The following TACR1 variants were observed in gnomAD, a reference collection of about 807,000 sequenced individuals.
TACR1 encodes the protein tachykinin receptor 1.
A neutral mutation model predicts 35.8 loss-of-function variants in TACR1; 25 were observed. That is an observed-to-expected ratio of 0.70 (90% confidence interval 0.51 to 0.98). The LOEUF (loss-of-function observed/expected upper bound fraction) is 0.98. TACR1 is among the 50% of genes least tolerant of loss of function. TACR1 has a pLI of 0.00. For synonymous variants in TACR1, 195 were observed against 206.7 expected (o/e 0.94, Z 0.48); for missense variants, 478 against 522.9 (o/e 0.91, Z 0.84).
At chr2:75,149,752 C>T (rs1229718507) in intron 1 of TACR1, among the ~76,000 whole-genome samples, 2 of 152,004 alleles carry the variant, frequency 1.3e-5, no homozygotes, top group African/African-American at 4.8e-5. Context: ...GCCTGATTGC[C>T]CTGGCCAGAA....
rs201666251 is a variant in TACR1 at position 75,198,965 on chromosome 2, T to C, written c.-31A>G. The C allele has an allele frequency of 1.2e-6, 2 of 1,602,454 alleles. No individual in the cohort carries two copies. Among genetic ancestry groups the C allele is most frequent in the Non-Finnish European group, 1.7e-6 (2 of 1,174,026 alleles). On this transcript the variant is annotated 5_prime_UTR_variant, in exon 1 of 5. Coordinates refer to ENST00000305249, the MANE Select transcript of TACR1 (RefSeq NM_001058.4). ...AGCTAGGCGGTAAAGCCCTACTATC[T>C]GTACACAACCCCCCTCTGCAGCAGA... is the stretch of plus-strand genomic sequence containing the variant.
intron 1 of TACR1, among the ~76,000 whole-genome samples, chr2:75,140,596 G>A (rs1411550968): frequency 6.6e-6 from 1 of 152,108 alleles, no homozygotes; most frequent in Non-Finnish European, 1.5e-5. Flanking sequence ...AACTCAGGGT[G>A]GCCCCTTAAG....
intron 4 of TACR1, chr2:75,050,959 T>G: frequency 4.7e-6 from 2 of 423,466 alleles, no homozygotes; most frequent in Admixed American, 7.3e-5. Flanking sequence ...ACCACAGAAG[T>G]TTTTAATTCC....
rs752408117 is a variant in TACR1 at position 75,051,310 on chromosome 2, C to G, written c.873G>C (p.Met291Ile). The G allele has an allele frequency of 1.2e-5, 20 of 1,614,188 alleles. No homozygotes were observed. The highest frequency in any genetic ancestry group is 1.5e-5 in the Non-Finnish European group (18 of 1,180,026). ...ACATGGTGGAGCTCATGGCCAGCCA[C>G]ATGATGGCCAGGTAGACCTGCTGGA... ...KFIQQVYLAI[M>I]WLAMSSTMYN... is the part of the protein sequence containing the mutation. The change falls in exon 4 of 5, where the codon ATG (methionine) becomes ATC (isoleucine). Residue 291 changes from methionine to isoleucine, a missense_variant. Met to Ile is a conservative substitution (Grantham distance 10). Coordinates refer to ENST00000305249, the MANE Select transcript of TACR1 (RefSeq NM_001058.4).
At chr2:75,103,759 A>G (rs1363275362) in intron 2 of TACR1, among the ~76,000 whole-genome samples, 2 of 152,086 alleles carry the variant, frequency 1.3e-5, no homozygotes, top group Non-Finnish European at 2.9e-5. Flanking sequence ...GAAAAATAAT[A>G]ATTTTAGTAT....
intron 2 of TACR1, among the ~76,000 whole-genome samples, chr2:75,100,833 T>C (rs1031444739): frequency 1.3e-5 from 2 of 152,220 alleles, no homozygotes; most frequent in African/African-American, 2.4e-5. Context: ...AATTTTGTGG[T>C]TCAGAAGAAT....
chr2:75,064,383 G>A (rs3755457), intron 2 of TACR1, among the ~76,000 whole-genome samples: 42,876 of 152,098 alleles, frequency 0.28, 7,969 homozygotes, highest in African/African-American at 0.5. Context: ...GCTGAGAGAG[G>A]ACAAGTTAGA....
chr2:75,084,737 G>T (rs529395764), intron 2 of TACR1, among the ~76,000 whole-genome samples: 3 of 152,248 alleles, frequency 2.0e-5, no homozygotes, highest in African/African-American at 7.2e-5. Flanking sequence ...AGTATTCTCT[G>T]ATGGTAGTTT....
At chr2:75,061,285 C>T (rs1672668136) in intron 2 of TACR1, among the ~76,000 whole-genome samples, 2 of 151,968 alleles carry the variant, frequency 1.3e-5, no homozygotes, top group Non-Finnish European at 2.9e-5. Flanking sequence ...TAGGAACTTG[C>T]TCTCTGCTTT....
chr2:75,192,721 G>A (rs1030658324), intron 1 of TACR1, among the ~76,000 whole-genome samples: 2 of 152,290 alleles, frequency 1.3e-5, no homozygotes, highest in South Asian at 4.1e-4. Context: ...CTGTGAGGGG[G>A]TGGAGAGTGG....
chr2:75,157,580 G>A (rs1674894028), intron 1 of TACR1, among the ~76,000 whole-genome samples: 1 of 152,188 alleles, frequency 6.6e-6, no homozygotes, highest in South Asian at 2.1e-4. Context: ...ATAGCCTGGG[G>A]CCAGGACTGT....
At chr2:75,155,973 GA>G (rs1238636218) in intron 1 of TACR1, among the ~76,000 whole-genome samples, 3 of 151,752 alleles carry the variant, frequency 2.0e-5, no homozygotes. Flanking sequence ...TTAAATGATT[GA>G]AAAAAATAAA....
chr2:75,050,066 A>G (rs1384575816), intron 4 of TACR1, among the ~76,000 whole-genome samples: 2 of 152,228 alleles, frequency 1.3e-5, no homozygotes, highest in African/African-American at 2.4e-5. Context: ...AGTGTTTACT[A>G]TGTGCACAGC....
intron 3 of TACR1, among the ~76,000 whole-genome samples, chr2:75,052,530 G>C (rs1672488937): frequency 6.6e-6 from 1 of 151,432 alleles, no homozygotes; most frequent in Admixed American, 6.6e-5. Context: ...AGTACCAACA[G>C]AGAATACTAA....
intron 1 of TACR1, among the ~76,000 whole-genome samples, chr2:75,177,311 C>T (rs10153589): frequency 0.042 from 6,325 of 152,248 alleles, 153 homozygotes; most frequent in Admixed American, 0.059. Flanking sequence ...CCTGTCTTCA[C>T]GTTTGGTGAC....
intron 2 of TACR1, among the ~76,000 whole-genome samples, chr2:75,078,999 C>A (rs368827052): frequency 2.0e-5 from 3 of 152,040 alleles, no homozygotes; most frequent in African/African-American, 7.2e-5. Context: ...GCAAACACAT[C>A]GAAACATCAA....
At chr2:75,191,328 G>A (rs1419167833) in intron 1 of TACR1, among the ~76,000 whole-genome samples, 1 of 152,190 alleles carries the variant, frequency 6.6e-6, no homozygotes, top group Non-Finnish European at 1.5e-5. Flanking sequence ...GCAAGGACAA[G>A]TAAAGGAGAG....
chr2:75,196,639 C>G (rs540820844), intron 1 of TACR1, among the ~76,000 whole-genome samples: 3 of 152,144 alleles, frequency 2.0e-5, no homozygotes, highest in Admixed American at 1.3e-4. Context: ...ATCCACTGTG[C>G]GGACTCTGAC....
chr2:75,189,506 T>A (rs1168301155), intron 1 of TACR1: 1 of 152,230 alleles, frequency 6.6e-6, no homozygotes, highest in Non-Finnish European at 1.5e-5. Flanking sequence ...GCTTTTAAGA[T>A]GTTGGAAATG....
Sources: gnomAD v4.1 joint callset for allele counts (sites outside exome capture counted in the v4.1 genomes callset) on GRCh38, gnomAD v4.1.1 for gene constraint, MANE v1.5 for transcripts, NCBI Gene and HGNC (gene_info 2026-07-23, HGNC 2026-07-21) for gene names.